SYT1: variants seen among roughly 807,000 people sequenced by gnomAD.
SYT1 encodes the protein synaptotagmin-1.
In SYT1, 8 loss-of-function variants were observed where a neutral mutation model predicts 44.8. The ratio of observed to expected loss-of-function variants is 0.18; its 90% CI spans 0.10 to 0.32. The LOEUF (loss-of-function observed/expected upper bound fraction) is 0.32, where lower values mean the gene tolerates loss of function less well. Ranked by LOEUF, SYT1 falls within the 10% of genes least tolerant of loss-of-function variation. SYT1 has a pLI of 1.00. For synonymous variants in SYT1, 154 were observed against 188.8 expected (o/e 0.82, Z 1.51); for missense variants, 286 against 509.3 (o/e 0.56, Z 4.22).
intron 1 of SYT1, among the ~76,000 whole-genome samples, chr12:78,917,415 A>AGCACTTGGACACAAGAAGG (rs1876724889): frequency 1.3e-5 from 2 of 151,966 alleles, no homozygotes; most frequent in Non-Finnish European, 2.9e-5. Flanking sequence ...GAACAATGAG[A>AGCACTTGGACACAAGAAGG]GCACTTGGAC....
chr12:78,870,535 T>G (rs975438325), intron 1 of SYT1, among the ~76,000 whole-genome samples: 1 of 152,096 alleles, frequency 6.6e-6, no homozygotes, highest in East Asian at 1.9e-4. Context: ...TGCAAACATA[T>G]TTGAAGAGTT....
At chr12:79,180,293 A>G (rs1021721717) in intron 3 of SYT1, among the ~76,000 whole-genome samples, 2 of 152,064 alleles carry the variant, frequency 1.3e-5, no homozygotes, top group Non-Finnish European at 2.9e-5. Flanking sequence ...CTTACACACT[A>G]TCCTCACTTC....
chr12:79,409,919 GT>G (rs5799431), intron 9 of SYT1, among the ~76,000 whole-genome samples: 21,052 of 151,560 alleles, frequency 0.14, 1,838 homozygotes, highest in Middle Eastern at 0.34. Flanking sequence ...ACTCTAAACT[GT>G]TTTTTTTCCT....
At chr12:79,241,432 G>A (rs1220442950) in intron 4 of SYT1, among the ~76,000 whole-genome samples, 4 of 151,796 alleles carry the variant, frequency 2.6e-5, no homozygotes, top group African/African-American at 9.7e-5. Context: ...CACCATGCCC[G>A]GCTAATTTTT....
intron 2 of SYT1, among the ~76,000 whole-genome samples, chr12:79,041,698 G>C (rs1318706187): frequency 6.6e-6 from 1 of 151,776 alleles, no homozygotes; most frequent in African/African-American, 2.4e-5. Flanking sequence ...TCCCTGTCTT[G>C]TGCCAGTTTT....
chr12:79,052,384 AC>A (rs1874571367), intron 3 of SYT1, among the ~76,000 whole-genome samples: 1 of 152,180 alleles, frequency 6.6e-6, no homozygotes, highest in Non-Finnish European at 1.5e-5. Flanking sequence ...TACATGTTAG[AC>A]CTAAAACCAT....
chr12:79,084,107 T>C (rs1444725138), intron 3 of SYT1, among the ~76,000 whole-genome samples: 1 of 152,146 alleles, frequency 6.6e-6, no homozygotes, highest in Non-Finnish European at 1.5e-5. Flanking sequence ...TTACCAGATG[T>C]GAATTTTTTA....
At chr12:79,307,596 C>A (rs968270310) in intron 8 of SYT1, among the ~76,000 whole-genome samples, 5 of 27,722 alleles carry the variant, frequency 1.8e-4, no homozygotes, top group African/African-American at 7.2e-4. Flanking sequence ...TGGGCGAGCC[C>A]GGGGATGGTC....
chr12:78,921,746 G>A (rs545566961), intron 1 of SYT1, among the ~76,000 whole-genome samples: 6 of 151,906 alleles, frequency 3.9e-5, no homozygotes, highest in African/African-American at 7.2e-5. Context: ...TTCACATGGC[G>A]CTGCTGAGAT....
intron 4 of SYT1, among the ~76,000 whole-genome samples, chr12:79,225,347 C>T (rs778181779): frequency 3.9e-5 from 6 of 152,194 alleles, no homozygotes; most frequent in Non-Finnish European, 7.3e-5. Context: ...AAGACACACA[C>T]TTAGCACAGT....
At chr12:79,021,125 T>C (rs1187897567) in intron 2 of SYT1, among the ~76,000 whole-genome samples, 1 of 151,928 alleles carries the variant, frequency 6.6e-6, no homozygotes, top group African/African-American at 2.4e-5. Flanking sequence ...CAAAGCTCCA[T>C]TCAGCTATAA....
At chr12:78,971,032 T>G (rs1213792257) in intron 1 of SYT1, among the ~76,000 whole-genome samples, 2 of 152,126 alleles carry the variant, frequency 1.3e-5, no homozygotes, top group East Asian at 3.9e-4. Flanking sequence ...GGTGTGATGA[T>G]GCATGCCTGT....
intron 3 of SYT1, among the ~76,000 whole-genome samples, chr12:79,154,680 C>T (rs142570713): frequency 8.1e-4 from 123 of 152,066 alleles, no homozygotes; most frequent in Non-Finnish European, 1.3e-3. Context: ...TAAATGAGGA[C>T]CACATAGTAA....
At chr12:79,444,330 C>T in intron 10 of SYT1, 124 bp downstream of exon 10, 1 of 1,196,314 alleles carries the variant, frequency 8.4e-7, no homozygotes, top group Non-Finnish European at 1.2e-6. Context: ...TTCTTTCTCC[C>T]CATGCACATT....
intron 1 of SYT1, among the ~76,000 whole-genome samples, chr12:78,923,691 TTCTC>T (rs545925878): frequency 4.8e-5 from 7 of 146,626 alleles, no homozygotes; most frequent in East Asian, 2.1e-4. Context: ...CCCCCTTTCT[TTCTC>T]TCTCTCTCTC....
chr12:79,364,800 T>C (rs560137582), intron 9 of SYT1, among the ~76,000 whole-genome samples: 2 of 152,284 alleles, frequency 1.3e-5, no homozygotes, highest in Admixed American at 1.3e-4. Flanking sequence ...CGAATGCACA[T>C]TTCGTGATAG....
chr12:79,372,203 TCTAGCATCGC>T (rs1883818145), intron 9 of SYT1, among the ~76,000 whole-genome samples: 1 of 152,200 alleles, frequency 6.6e-6, no homozygotes, highest in Non-Finnish European at 1.5e-5. Flanking sequence ...ATAACCGTCA[TCTAGCATCGC>T]CTAGCACATT....
intron 3 of SYT1, among the ~76,000 whole-genome samples, chr12:79,196,507 G>A (rs181896642): frequency 5.9e-5 from 9 of 152,148 alleles, no homozygotes; most frequent in Admixed American, 2.0e-4. Flanking sequence ...TCTCAAACTC[G>A]AAGAACCTTA....
intron 3 of SYT1, among the ~76,000 whole-genome samples, chr12:79,070,330 T>G (rs1480886233): frequency 6.6e-6 from 1 of 152,172 alleles, no homozygotes; most frequent in Non-Finnish European, 1.5e-5. Context: ...TTATTAACAA[T>G]TTCTAGTGAG....
Sources: gnomAD v4.1 joint callset for allele counts (sites outside exome capture counted in the v4.1 genomes callset) on GRCh38, gnomAD v4.1.1 for gene constraint, MANE v1.5 for transcripts, NCBI Gene and HGNC (gene_info 2026-07-23, HGNC 2026-07-21) for gene names.